The following CRPPA variants were observed in gnomAD, a reference collection of about 807,000 sequenced individuals.
CRPPA encodes D-ribitol-5-phosphate cytidylyltransferase.
In CRPPA, 43 loss-of-function variants were observed where a neutral mutation model predicts 52.0. The ratio of observed to expected loss-of-function variants is 0.83; its 90% CI spans 0.65 to 1.07. The LOEUF (loss-of-function observed/expected upper bound fraction) is 1.07. CRPPA is among the 50% of genes least tolerant of loss of function. CRPPA has a pLI of 0.00. For missense variants in CRPPA, 629 were observed against 551.7 expected (o/e 1.14, Z -1.40); for synonymous variants, 250 against 203.5 (o/e 1.23, Z -1.94).
chr7:16,139,852 T>G (rs1451171818), intron 9 of CRPPA, among the ~76,000 whole-genome samples: 1 of 152,154 alleles, frequency 6.6e-6, no homozygotes, highest in Admixed American at 6.5e-5. Flanking sequence ...TTTTTGGTAT[T>G]TAAAGATTAA....
intron 9 of CRPPA, among the ~76,000 whole-genome samples, chr7:16,185,720 A>G (rs1280737051): frequency 2.6e-5 from 4 of 152,216 alleles, no homozygotes; most frequent in African/African-American, 4.8e-5. Context: ...TCAGGCAAAA[A>G]TAAATTTTCT....
chr7:16,397,528 C>A (rs1000067582), intron 2 of CRPPA, among the ~76,000 whole-genome samples: 1 of 150,476 alleles, frequency 6.6e-6, no homozygotes, highest in Non-Finnish European at 1.5e-5. Context: ...GTGACATGAT[C>A]AACACAACAT....
intron 9 of CRPPA, among the ~76,000 whole-genome samples, chr7:16,149,994 A>G (rs1783046925): frequency 6.6e-6 from 1 of 151,270 alleles, no homozygotes. Flanking sequence ...AAAAAAAAAA[A>G]GAGAGAGAAA....
intron 9 of CRPPA, among the ~76,000 whole-genome samples, chr7:16,115,152 C>G (rs1782345416): frequency 6.6e-6 from 1 of 151,998 alleles, no homozygotes; most frequent in Non-Finnish European, 1.5e-5. Flanking sequence ...AAGAACCAAA[C>G]TGAAGAGGGT....
At chr7:16,288,959 T>C (rs1340125747) in intron 5 of CRPPA, among the ~76,000 whole-genome samples, 2 of 143,030 alleles carry the variant, frequency 1.4e-5, no homozygotes, top group Non-Finnish European at 3.1e-5. Flanking sequence ...ATAATAATCA[T>C]CATCAATAAA....
At chr7:16,124,984 G>T (rs1472380798) in intron 9 of CRPPA, among the ~76,000 whole-genome samples, 1 of 152,036 alleles carries the variant, frequency 6.6e-6, no homozygotes, top group Non-Finnish European at 1.5e-5. Context: ...AATAGGCCAG[G>T]TGCAGTGGCT....
intron 8 of CRPPA, among the ~76,000 whole-genome samples, chr7:16,242,536 C>T (rs774226778): frequency 1.3e-5 from 2 of 152,084 alleles, no homozygotes; most frequent in Admixed American, 6.5e-5. Flanking sequence ...GTAAATGCAA[C>T]GAACAGAAGG....
intron 8 of CRPPA, among the ~76,000 whole-genome samples, chr7:16,219,464 GA>G (rs1312207778): frequency 9.7e-6 from 1 of 102,648 alleles, no homozygotes; most frequent in Non-Finnish European, 2.0e-5. Flanking sequence ...GAAGGAAATA[GA>G]GACACAAAAA....
At chr7:16,120,477 T>C (rs1301082348) in intron 9 of CRPPA, among the ~76,000 whole-genome samples, 2 of 152,168 alleles carry the variant, frequency 1.3e-5, no homozygotes, top group Non-Finnish European at 2.9e-5. Flanking sequence ...ATGTCAGTAC[T>C]TAGAGAAGGG....
intron 9 of CRPPA, among the ~76,000 whole-genome samples, chr7:16,111,379 A>G (rs1308060541): frequency 1.3e-5 from 2 of 152,166 alleles, no homozygotes. Context: ...CTCAAAATCT[A>G]AAACTAGAAA....
chr7:16,305,276 CTCAGT>C (rs1784883280), intron 4 of CRPPA, among the ~76,000 whole-genome samples: 1 of 152,108 alleles, frequency 6.6e-6, no homozygotes, highest in Admixed American at 6.5e-5. Flanking sequence ...CTAGCATCAC[CTCAGT>C]TAACAGGGAA....
At chr7:16,282,757 A>G (rs1430571627) in intron 5 of CRPPA, among the ~76,000 whole-genome samples, 1 of 152,090 alleles carries the variant, frequency 6.6e-6, no homozygotes, top group Admixed American at 6.5e-5. Flanking sequence ...ATAACATCAT[A>G]AGAAATATGG....
At chr7:16,389,878 T>G (rs1224500089) in intron 2 of CRPPA, among the ~76,000 whole-genome samples, 1 of 110,814 alleles carries the variant, frequency 9.0e-6, no homozygotes, top group Non-Finnish European at 1.8e-5. Context: ...AAGAAGCGAG[T>G]TGTCAGCAAG....
intron 3 of CRPPA, among the ~76,000 whole-genome samples, chr7:16,314,419 G>C (rs1470455127): frequency 6.6e-6 from 1 of 151,980 alleles, no homozygotes; most frequent in East Asian, 1.9e-4. Context: ...CACTATGTAA[G>C]CACACAATCA....
chr7:16,103,783 A>G (rs1020864397), intron 9 of CRPPA, among the ~76,000 whole-genome samples: 17 of 152,298 alleles, frequency 1.1e-4, no homozygotes, highest in Admixed American at 2.0e-4. Context: ...AGAACATATG[A>G]TAACTTATAG....
At chr7:16,249,393 C>T (rs1356271965) in intron 8 of CRPPA, among the ~76,000 whole-genome samples, 1 of 152,178 alleles carries the variant, frequency 6.6e-6, no homozygotes, top group African/African-American at 2.4e-5. Context: ...GGACCGACTG[C>T]CTGCTCAAGT....
chr7:16,243,646 A>C (rs1234947529), intron 8 of CRPPA, among the ~76,000 whole-genome samples: 1 of 152,192 alleles, frequency 6.6e-6, no homozygotes, highest in Non-Finnish European at 1.5e-5. Context: ...GAAATCTAGA[A>C]GTACCCTAAA....
At chr7:16,378,710 A>C (rs1347080404) in intron 2 of CRPPA, among the ~76,000 whole-genome samples, 1 of 150,228 alleles carries the variant, frequency 6.7e-6, no homozygotes, top group East Asian at 2.0e-4. Flanking sequence ...TGGTTGAACT[A>C]GTTTACAGTC....
At chr7:16,367,174 T>TA (rs56184465) in intron 3 of CRPPA, among the ~76,000 whole-genome samples, 87,633 of 150,334 alleles carry the variant, frequency 0.58, 26,810 homozygotes, top group African/African-American at 0.79. Context: ...TGTCAAAATT[T>TA]AAAAAAAAAA....
Sources: gnomAD v4.1 joint callset for allele counts (sites outside exome capture counted in the v4.1 genomes callset) on GRCh38, gnomAD v4.1.1 for gene constraint, MANE v1.5 for transcripts, NCBI Gene and HGNC (gene_info 2026-07-23, HGNC 2026-07-21) for gene names.